The following EEPD1 variants were observed in gnomAD, a reference collection of about 807,000 sequenced individuals.
The protein encoded by EEPD1 is endonuclease/exonuclease/phosphatase family domain containing 1.
EEPD1 carries 17 observed loss-of-function variants against 46.3 expected under a neutral mutation model. The ratio of observed to expected loss-of-function variants is 0.37; its 90% confidence interval spans 0.25 to 0.55. EEPD1 has a LOEUF of 0.55. EEPD1 is among the 20% of genes least tolerant of loss of function. The pLI, the probability that EEPD1 is intolerant of heterozygous loss-of-function variation, is 0.83. For synonymous variants in EEPD1, 313 were observed against 315.6 expected, an observed-to-expected ratio of 0.99 and a Z score of 0.09; for missense variants, 673 against 745.6, an observed-to-expected ratio of 0.90 and a Z score of 1.13.
intron 7 of EEPD1, among the ~76,000 whole-genome samples, chr7:36,298,444 T>A (rs780449897): frequency 3.8e-4 from 58 of 152,240 alleles, no homozygotes; most frequent in Non-Finnish European, 7.2e-4. Context: ...TTTCTAGCTA[T>A]TCTGTAGTTG....
At position 36,193,145 on chromosome 7, in the gene EEPD1, C is replaced by A. The variant is rs1049526684; in HGVS notation, c.878+37943C>A. 6.6e-6 allele frequency among the ~76,000 whole-genome samples: 1 copy of A among 152,198 alleles called. No individual in the cohort carries two copies. Among genetic ancestry groups the A allele is most frequent in the South Asian group, 2.1e-4 (1 of 4,832 alleles). On this transcript the variant is annotated intron_variant, in intron 2 of 7. Coordinates refer to ENST00000242108, the MANE Select transcript of EEPD1 (RefSeq NM_030636.3). This position sits in a 1 kb window ranked among gnomAD's most constrained non-coding sequence, Gnocchi z 4.9. ...ACAGAGCAGTGCGTCATGATGGGGG[C>A]ACAGGATTCCGTGGACATTGGCAGC...
chr7:36,205,852 G>A (rs1048346373), intron 2 of EEPD1, among the ~76,000 whole-genome samples: 1 of 152,188 alleles, frequency 6.6e-6, no homozygotes, highest in African/African-American at 2.4e-5. Flanking sequence ...ATAGCAGAGA[G>A]TGGCACAGAC....
chr7:36,219,806 AGTGTGT>A (rs70977121), intron 2 of EEPD1, among the ~76,000 whole-genome samples: 22 of 75,442 alleles, frequency 2.9e-4, no homozygotes, highest in South Asian at 1.2e-3. Flanking sequence ...AGAGAGAGAG[AGTGTGT>A]GTGTGTGTGT....
At chr7:36,160,678 G>GGGGT (rs1554308590) in intron 2 of EEPD1, among the ~76,000 whole-genome samples, 10 of 145,224 alleles carry the variant, frequency 6.9e-5, no homozygotes, top group Admixed American at 6.8e-5. Context: ...GGAGGTGGTG[G>GGGGT]GGGGCGGGGC....
At chr7:36,166,447 G>A (rs773735176) in intron 2 of EEPD1, among the ~76,000 whole-genome samples, 1 of 152,186 alleles carries the variant, frequency 6.6e-6, no homozygotes, top group Non-Finnish European at 1.5e-5. Flanking sequence ...GAGGCCAGGA[G>A]AAGTGGCTCA....
chr7:36,299,144 C>A lies in EEPD1; in HGVS notation c.1648C>A (p.Pro550Thr), dbSNP rs147085393. ...TEKDWSKKDAPRNGSGVALER... is the reference protein window; with the variant it reads ...TEKDWSKKDATRNGSGVALER... ...AAAGGACTGGAGCAAGAAGGATGCCCCTCGGAACGGCAGCGGGGTGGCCTT... is the reference window on the plus strand; with the variant it reads ...AAAGGACTGGAGCAAGAAGGATGCCACTCGGAACGGCAGCGGGGTGGCCTT... Residue 550 changes from proline to threonine, a missense_variant, in exon 8 of 8, where the codon CCT (proline) becomes ACT (threonine). Transcript: ENST00000242108. 5.2e-4 allele frequency: 838 copies of A among 1,611,642 alleles called. No individual in the cohort carries two copies. Among genetic ancestry groups the A allele is most frequent in the Non-Finnish European group, 6.7e-4 (792 of 1,178,002 alleles).
chr7:36,156,781 A>C (rs1394331272), intron 2 of EEPD1, among the ~76,000 whole-genome samples: 1 of 152,212 alleles, frequency 6.6e-6, no homozygotes, highest in Non-Finnish European at 1.5e-5. Context: ...CACACCCTCC[A>C]GGTGGTTCTG....
At chr7:36,177,016 C>T (rs2540659) in intron 2 of EEPD1, among the ~76,000 whole-genome samples, 26,367 of 152,028 alleles carry the variant, frequency 0.17, 2,588 homozygotes, top group Non-Finnish European at 0.23. Flanking sequence ...TGGTTGGGGC[C>T]GGGGCTGGGA....
At chr7:36,258,289 C>T (rs1786858882) in intron 3 of EEPD1, among the ~76,000 whole-genome samples, 1 of 152,184 alleles carries the variant, frequency 6.6e-6, no homozygotes, top group Non-Finnish European at 1.5e-5. Context: ...GTCTCCCAGT[C>T]AGGAGGCACA....
chr7:36,233,045 C>G (rs1020986193), intron 2 of EEPD1, among the ~76,000 whole-genome samples: 2 of 152,224 alleles, frequency 1.3e-5, no homozygotes, highest in Admixed American at 6.5e-5. Flanking sequence ...ATAAAAGGGG[C>G]AGGAATGGGA....
intron 6 of EEPD1, among the ~76,000 whole-genome samples, chr7:36,289,174 T>C (rs941329439): frequency 2.0e-5 from 3 of 152,238 alleles, no homozygotes; most frequent in African/African-American, 4.8e-5. Context: ...TGTGGTAAAA[T>C]ATATGTAACA....
intron 3 of EEPD1, among the ~76,000 whole-genome samples, chr7:36,270,748 A>G (rs1787089931): frequency 6.6e-6 from 1 of 152,192 alleles, no homozygotes; most frequent in South Asian, 2.1e-4. Flanking sequence ...TACTGTGAAT[A>G]GTGCTGCAGT....
intron 2 of EEPD1, among the ~76,000 whole-genome samples, chr7:36,162,667 A>G (rs1583779948): frequency 2.0e-5 from 3 of 152,254 alleles, no homozygotes; most frequent in Admixed American, 2.0e-4. Context: ...GAAAGAAAAA[A>G]AGAAAAACCT....
intron 2 of EEPD1, among the ~76,000 whole-genome samples, chr7:36,156,812 A>G (rs1784831757): frequency 6.6e-6 from 1 of 152,178 alleles, no homozygotes; most frequent in Non-Finnish European, 1.5e-5. Flanking sequence ...AAGTTTGAGA[A>G]CCATTGTACT....
chr7:36,246,308 C>G (rs1358840288), intron 3 of EEPD1, among the ~76,000 whole-genome samples: 1 of 152,222 alleles, frequency 6.6e-6, no homozygotes, highest in African/African-American at 2.4e-5. Context: ...TTGAAGCCAG[C>G]CCTGCCATTT....
intron 3 of EEPD1, among the ~76,000 whole-genome samples, chr7:36,270,112 G>C (rs774177031): frequency 2.5e-4 from 38 of 152,162 alleles, no homozygotes; most frequent in Non-Finnish European, 4.4e-4. Context: ...GTGTGCATAT[G>C]TGTGTGTATG....
rs142587467 is a variant in EEPD1 at position 36,287,698 on chromosome 7, G to T, written c.1236G>T (p.Gly412=). 1 of 1,614,134 alleles carries T rather than the reference G, an allele frequency of 6.2e-7. No homozygotes were observed. The highest frequency in any genetic ancestry group is 8.5e-7 in the Non-Finnish European group (1 of 1,180,008). Reference sequence around the variant, plus strand: ...ACCTGGCAGCCCTGACCCTCCTGGGGAGCGAGAATCCCAGCAAGAATCACA... The same window carrying T: ...ACCTGGCAGCCCTGACCCTCCTGGGTAGCGAGAATCCCAGCAAGAATCACA... ...NLHLAALTLL[G]SENPSKNHSD... is the part of the protein sequence containing the mutation. The change falls in exon 6 of 8, where the codon GGG becomes GGT. Residue 412 remains glycine (G), a synonymous_variant. Coordinates refer to ENST00000242108, the MANE Select transcript of EEPD1 (RefSeq NM_030636.3).
At chr7:36,229,786 C>A (rs892221543) in intron 2 of EEPD1, among the ~76,000 whole-genome samples, 2 of 152,156 alleles carry the variant, frequency 1.3e-5, no homozygotes, top group Non-Finnish European at 2.9e-5. Flanking sequence ...AGTCCCTTTG[C>A]CGCTTCCATA....
At chr7:36,174,819 C>G (rs898206995) in intron 2 of EEPD1, among the ~76,000 whole-genome samples, 1 of 152,192 alleles carries the variant, frequency 6.6e-6, no homozygotes, top group Non-Finnish European at 1.5e-5. Flanking sequence ...TAGCAGTCAA[C>G]TAATCAGTAA....
Sources: allele counts gnomAD v4.1 joint callset (sites outside exome capture counted in the v4.1 genomes callset), GRCh38; gene constraint gnomAD v4.1.1; non-coding constraint Gnocchi (gnomAD v3.1); transcripts MANE v1.5; gene names NCBI Gene and HGNC (gene_info 2026-07-23, HGNC 2026-07-21).